CREB5: variants seen among roughly 807,000 people sequenced by gnomAD.
CREB5 encodes the protein cyclic AMP-responsive element-binding protein 5.
CREB5 carries 19 observed loss-of-function variants against 57.1 expected under a neutral mutation model. That is an observed-to-expected ratio of 0.33 (90% CI 0.23 to 0.49). The LOEUF is 0.49. CREB5 is among the 20% of genes least tolerant of loss of function. The pLI is 0.99. For synonymous variants in CREB5, 238 were observed against 238.3 expected (o/e 1.00, Z 0.01); for missense variants, 579 against 671.6 (o/e 0.86, Z 1.52).
At chr7:28,433,273 G>A (rs964156231) in intron 1 of CREB5, among the ~76,000 whole-genome samples, 2 of 152,188 alleles carry the variant, frequency 1.3e-5, no homozygotes, top group Non-Finnish European at 2.9e-5. Context: ...CTATGCAATA[G>A]TGCCTATCAC....
intron 1 of CREB5, among the ~76,000 whole-genome samples, chr7:28,468,302 G>T (rs545320343): frequency 2.3e-4 from 35 of 152,348 alleles, no homozygotes; most frequent in Admixed American, 9.8e-4. Context: ...AAAGTTCACG[G>T]TCACTGCAGT....
At chr7:28,686,274 C>A in intron 5 of CREB5, 1 of 1,033,320 alleles carries the variant, frequency 9.7e-7, no homozygotes. Context: ...GTTTTTGAGC[C>A]TTCGTCCTCC....
chr7:28,325,543 A>G lies in CREB5; in HGVS notation c.-25+26102A>G, dbSNP rs191526881. 2.4e-4 allele frequency among the ~76,000 whole-genome samples: 37 copies of G among 152,200 alleles called. No homozygotes were observed. The East Asian group carries it at 6.5e-3, about 27-fold the overall frequency. On this transcript the variant is annotated intron_variant, in intron 1 of 9. Transcript: ENST00000396299. The stretch of plus-strand genomic sequence containing the variant: ...TGGGAATAAAATCTGACCTTCTTGC[A>G]CTGGTTATGCCCTACCTGGTCTAGA...
At chr7:28,442,225 A>C (rs1000712684) in intron 1 of CREB5, among the ~76,000 whole-genome samples, 2 of 152,188 alleles carry the variant, frequency 1.3e-5, no homozygotes, top group Non-Finnish European at 2.9e-5. Flanking sequence ...TATTTTGTTT[A>C]GCATAATGTC....
At chr7:28,514,974 T>G (rs1792883375) in intron 4 of CREB5, among the ~76,000 whole-genome samples, 1 of 16,370 alleles carries the variant, frequency 6.1e-5, no homozygotes, top group South Asian at 4.1e-3. Context: ...TGGGAAAGAC[T>G]ATTGTGTTGG....
chr7:28,473,976 A>C (rs1306074987), intron 1 of CREB5, among the ~76,000 whole-genome samples: 1 of 152,170 alleles, frequency 6.6e-6, no homozygotes, highest in Non-Finnish European at 1.5e-5. Context: ...TTAACAGACT[A>C]TCTGAAGCCT....
At chr7:28,657,603 G>T (rs1799381440) in intron 5 of CREB5, among the ~76,000 whole-genome samples, 1 of 150,796 alleles carries the variant, frequency 6.6e-6, no homozygotes, top group African/African-American at 2.4e-5. Context: ...TGCAGACCTG[G>T]CTACTTGTGC....
intron 1 of CREB5, among the ~76,000 whole-genome samples, chr7:28,345,395 T>A (rs746970710): frequency 6.6e-6 from 1 of 151,830 alleles, no homozygotes; most frequent in Non-Finnish European, 1.5e-5. Context: ...GATATGAAAC[T>A]AGAAATCAAT....
chr7:28,760,321 C>G (rs575778131), intron 7 of CREB5, among the ~76,000 whole-genome samples: 1 of 152,278 alleles, frequency 6.6e-6, no homozygotes, highest in South Asian at 2.1e-4. Context: ...GGCAGCAAAA[C>G]CAGACCAACC....
chr7:28,822,807 A>T lies in CREB5; in HGVS notation c.*3528A>T, dbSNP rs1809856903. The T allele has an allele frequency of 6.6e-6, 1 of 152,504 alleles. No individual in the cohort carries two copies. The highest frequency in any genetic ancestry group is 1.5e-5 in the Non-Finnish European group (1 of 68,050). 9.4% of individuals were successfully genotyped at this position (152,504 alleles called of 1,614,324 possible). ...GAAAATCCCAGCCATGGATGAATGT[A>T]CTAATTTGAAAGCCAAGTGTTAAGT... On this transcript the variant is annotated 3_prime_UTR_variant, in exon 11 of 11. Coordinates refer to ENST00000357727, the MANE Select transcript of CREB5 (RefSeq NM_182898.4).
chr7:28,541,376 C>A (rs1271534781), intron 4 of CREB5, among the ~76,000 whole-genome samples: 2 of 152,026 alleles, frequency 1.3e-5, no homozygotes, highest in African/African-American at 2.4e-5. Flanking sequence ...AGAGAAAAAA[C>A]CTTTATCCTG....
intron 1 of CREB5, among the ~76,000 whole-genome samples, chr7:28,452,882 G>A (rs1163544375): frequency 2.0e-5 from 3 of 152,174 alleles, no homozygotes; most frequent in African/African-American, 7.2e-5. Flanking sequence ...AGGAGGGGTG[G>A]GACCAATGGG....
intron 7 of CREB5, among the ~76,000 whole-genome samples, chr7:28,775,608 T>C (rs978853645): frequency 2.7e-5 from 4 of 149,626 alleles, no homozygotes; most frequent in Admixed American, 2.0e-4. Flanking sequence ...ATTTTTGTTT[T>C]GTGTATTCTT....
chr7:28,596,710 A>G (rs1412257273), intron 5 of CREB5, among the ~76,000 whole-genome samples: 2 of 152,190 alleles, frequency 1.3e-5, no homozygotes, highest in Non-Finnish European at 2.9e-5. Context: ...TGCTTCAGTT[A>G]CATCATCCCT....
chr7:28,466,870 C>T (rs2128579583), intron 1 of CREB5, among the ~76,000 whole-genome samples: 1 of 152,308 alleles, frequency 6.6e-6, no homozygotes, highest in South Asian at 2.1e-4. Flanking sequence ...ATTCCTCAGT[C>T]ATAGACCACT....
chr7:28,527,824 A>G (rs1583580510), intron 4 of CREB5, among the ~76,000 whole-genome samples: 1 of 152,106 alleles, frequency 6.6e-6, no homozygotes, highest in Non-Finnish European at 1.5e-5. Context: ...TCTCAAAAAA[A>G]TTCTCTTGTG....
intron 7 of CREB5, among the ~76,000 whole-genome samples, chr7:28,746,182 G>C (rs911471283): frequency 6.6e-6 from 1 of 152,094 alleles, no homozygotes; most frequent in Non-Finnish European, 1.5e-5. Context: ...TTAGTATTAC[G>C]TGAAAGTTCC....
rs1554304539 is a variant in CREB5, at chr7:28,821,126, A to ACGTGTGTGTGTG, written c.*1847_*1848insCGTGTGTGTGTG. On this transcript the variant is annotated 3_prime_UTR_variant, in exon 11 of 11. Transcript: ENST00000357727. ...CTCCATTTGAATGCTTGACCTCTTAATGTGTGTGTGTGTGTGTGTGTGTGT... is the reference window on the plus strand; with the variant it reads ...CTCCATTTGAATGCTTGACCTCTTAACGTGTGTGTGTGTGTGTGTGTGTGTGTGTGTGTGTGT... The ACGTGTGTGTGTG allele has an allele frequency of 2.0e-5, 3 of 146,342 alleles. No individual in the cohort carries two copies. Among genetic ancestry groups the ACGTGTGTGTGTG allele is most frequent in the African/African-American group, 7.6e-5 (3 of 39,358 alleles). The allele number at this position is 146,342 out of a possible 1,614,324, so 9.1% of individuals were successfully genotyped here.
intron 1 of CREB5, among the ~76,000 whole-genome samples, chr7:28,344,855 G>A (rs1273855257): frequency 6.6e-6 from 1 of 152,096 alleles, no homozygotes; most frequent in Admixed American, 6.5e-5. Context: ...GAGCAGGGGT[G>A]GCTATACTTA....
Sources: allele counts gnomAD v4.1 joint callset (sites outside exome capture counted in the v4.1 genomes callset), GRCh38; gene constraint gnomAD v4.1.1; transcripts MANE v1.5; gene names NCBI Gene and HGNC (gene_info 2026-07-23, HGNC 2026-07-21).